Variants in ZDHHC14 observed in about 807,000 individuals in gnomAD.
ZDHHC14 encodes zDHHC palmitoyltransferase 14.
In ZDHHC14, 16 loss-of-function variants were observed where a neutral mutation model predicts 47.7. That is an observed-to-expected ratio of 0.34 (90% CI 0.23 to 0.51). The LOEUF is 0.51. Ranked by LOEUF, ZDHHC14 falls within the 20% of genes least tolerant of loss-of-function variation. The probability of loss-of-function intolerance (pLI) is 0.97; values close to 1 mark genes in which losing one functional copy is unlikely to be tolerated. For missense variants in ZDHHC14, 515 were observed against 662.5 expected (o/e 0.78, Z 2.44); for synonymous variants, 293 against 278.9 (o/e 1.05, Z -0.50).
intron 3 of ZDHHC14, among the ~76,000 whole-genome samples, chr6:157,622,216 C>CA (rs35681787): frequency 0.02 from 1,849 of 93,812 alleles, 18 homozygotes; most frequent in Admixed American, 0.028. Flanking sequence ...ACTAAAAATA[C>CA]AAAAAAAAAA....
chr6:157,633,681 G>GTTTGT (rs1226357917), intron 5 of ZDHHC14, among the ~76,000 whole-genome samples: 2 of 152,072 alleles, frequency 1.3e-5, no homozygotes, highest in African/African-American at 2.4e-5. Context: ...ATTCGTTTTT[G>GTTTGT]TTTGTTTTGT....
chr6:157,578,683 G>A (rs1291250853), intron 2 of ZDHHC14, among the ~76,000 whole-genome samples: 1 of 152,170 alleles, frequency 6.6e-6, no homozygotes, highest in Non-Finnish European at 1.5e-5. Context: ...CTGTTCTCGT[G>A]ATAGTGGGTG....
chr6:157,472,953 C>T (rs1290646372), intron 1 of ZDHHC14, among the ~76,000 whole-genome samples: 2 of 152,296 alleles, frequency 1.3e-5, no homozygotes, highest in East Asian at 3.9e-4. Flanking sequence ...TAATATTTTG[C>T]AGGCACTATG....
intron 1 of ZDHHC14, among the ~76,000 whole-genome samples, chr6:157,392,146 A>G (rs1049411792): frequency 6.6e-6 from 1 of 152,196 alleles, no homozygotes; most frequent in African/African-American, 2.4e-5. Context: ...TAAGTGAGAG[A>G]GAATTTAGCA....
chr6:157,549,911 C>T (rs750617516), intron 2 of ZDHHC14, among the ~76,000 whole-genome samples: 9 of 152,172 alleles, frequency 5.9e-5, no homozygotes, highest in Non-Finnish European at 1.3e-4. Context: ...CTGATGCAAA[C>T]ATATTTCCGT....
rs188826118 is a variant in ZDHHC14 at position 157,523,916 on chromosome 6, A to G, written c.246-18669A>G. On this transcript the variant is annotated intron_variant, in intron 1 of 8. Coordinates refer to ENST00000359775, the MANE Select transcript of ZDHHC14 (RefSeq NM_024630.3). The stretch of plus-strand genomic sequence containing the variant: ...ACCCTGTCTCCAACAACAAAGACTC[A>G]CTGGTAAATGTTTCTCTCTTACTAT... 3.9e-5 allele frequency among the ~76,000 whole-genome samples: 6 copies of G among 152,142 alleles called. No individual in the cohort carries two copies. The East Asian group carries it at 1.2e-3, about 29-fold the overall frequency.
chr6:157,396,593 G>A (rs1463669444), intron 1 of ZDHHC14, among the ~76,000 whole-genome samples: 1 of 152,184 alleles, frequency 6.6e-6, no homozygotes, highest in African/African-American at 2.4e-5. Flanking sequence ...ACCTATGCAA[G>A]TTAAATTTCA....
At chr6:157,443,244 C>T (rs1208993282) in intron 1 of ZDHHC14, among the ~76,000 whole-genome samples, 3 of 152,210 alleles carry the variant, frequency 2.0e-5, no homozygotes. Context: ...TCCCCTTCCA[C>T]CATGATTGTA....
intron 1 of ZDHHC14, among the ~76,000 whole-genome samples, chr6:157,471,799 G>T (rs1372526714): frequency 6.6e-6 from 1 of 152,214 alleles, no homozygotes; most frequent in Non-Finnish European, 1.5e-5. Context: ...GATACAGGGA[G>T]CTGGTCTTCA....
intron 1 of ZDHHC14, among the ~76,000 whole-genome samples, chr6:157,539,411 A>G (rs2365613): frequency 0.4 from 60,117 of 151,748 alleles, 12,072 homozygotes; most frequent in Admixed American, 0.45. Flanking sequence ...CTCCAGAAAG[A>G]TAATAAATAA....
chr6:157,576,169 G>T (rs1024148280), intron 2 of ZDHHC14, among the ~76,000 whole-genome samples: 1 of 152,336 alleles, frequency 6.6e-6, no homozygotes, highest in South Asian at 2.1e-4. Context: ...TAAGACAAAC[G>T]GACATACTAA....
intron 2 of ZDHHC14, among the ~76,000 whole-genome samples, chr6:157,549,105 C>T (rs982444304): frequency 6.6e-6 from 1 of 152,204 alleles, no homozygotes; most frequent in Non-Finnish European, 1.5e-5. Flanking sequence ...GTGCTCTTAC[C>T]CGCTGCACAG....
At chr6:157,523,882 C>T (rs919554541) in intron 1 of ZDHHC14, among the ~76,000 whole-genome samples, 37 of 152,180 alleles carry the variant, frequency 2.4e-4, no homozygotes, top group African/African-American at 8.0e-4. Context: ...GCCTGGGTGA[C>T]AGCACAAGAC....
chr6:157,638,306 C>G (rs571661084), intron 5 of ZDHHC14, among the ~76,000 whole-genome samples: 9 of 152,322 alleles, frequency 5.9e-5, no homozygotes, highest in East Asian at 5.8e-4. Context: ...CTCCGTCCTC[C>G]TCCTACTCCT....
intron 2 of ZDHHC14, among the ~76,000 whole-genome samples, chr6:157,580,585 A>G (rs1441561215): frequency 6.6e-6 from 1 of 152,156 alleles, no homozygotes; most frequent in Non-Finnish European, 1.5e-5. Flanking sequence ...TAATCTGTTC[A>G]GGGATTCAGT....
rs1380420139 is a variant in ZDHHC14, at chr6:157,598,648, AG to A, written c.565+5504del. 2.6e-5 allele frequency among the ~76,000 whole-genome samples: 4 copies of A among 152,232 alleles called. No homozygotes were observed. In the East Asian group the frequency reaches 7.7e-4, roughly 29 times the overall value. On this transcript the variant is annotated intron_variant, in intron 3 of 8. Transcript: ENST00000359775. ...CATTGCATCAAAATATATAAAGTAAAGGTTGTTAGAAAATGCAAAGGTAATT... is the reference window on the plus strand; with the variant it reads ...CATTGCATCAAAATATATAAAGTAAAGTTGTTAGAAAATGCAAAGGTAATT...
chr6:157,396,823 A>G (rs985946162), intron 1 of ZDHHC14, among the ~76,000 whole-genome samples: 5 of 152,248 alleles, frequency 3.3e-5, no homozygotes, highest in Admixed American at 6.5e-5. Context: ...AGTGTTTTAT[A>G]TAGAAACTGT....
chr6:157,549,492 C>G (rs536355897), intron 2 of ZDHHC14, among the ~76,000 whole-genome samples: 12 of 152,260 alleles, frequency 7.9e-5, no homozygotes, highest in African/African-American at 2.6e-4. Flanking sequence ...GAGACAAAGG[C>G]TTCTAAAAAG....
intron 1 of ZDHHC14, among the ~76,000 whole-genome samples, chr6:157,531,299 C>T (rs955029598): frequency 1.4e-5 from 2 of 146,908 alleles, no homozygotes; most frequent in Admixed American, 6.8e-5. Context: ...CTGCCCCCCC[C>T]GGACATGCCG....
Sources: gnomAD v4.1 joint callset for allele counts (sites outside exome capture counted in the v4.1 genomes callset) on GRCh38, gnomAD v4.1.1 for gene constraint, MANE v1.5 for transcripts, NCBI Gene and HGNC (gene_info 2026-07-23, HGNC 2026-07-21) for gene names.